IFT74: variants seen among roughly 807,000 people sequenced by gnomAD.
IFT74 encodes the protein intraflagellar transport protein 74 homolog.
In IFT74, 92 loss-of-function variants were observed where a neutral mutation model predicts 96.7. The observed-to-expected ratio is 0.95, with a 90% CI of 0.80 to 1.13. The LOEUF (loss-of-function observed/expected upper bound fraction) is 1.13, where lower values mean the gene tolerates loss of function less well. Among genes scored for constraint, IFT74 ranks in the 50% most tolerant of loss-of-function variants. The probability of loss-of-function intolerance (pLI) is 0.00; values close to 1 mark genes in which losing one functional copy is unlikely to be tolerated. For missense variants in IFT74, 811 were observed against 698.2 expected (o/e 1.16, Z -1.82); for synonymous variants, 223 against 213.2 (o/e 1.05, Z -0.40).
chr9:26,954,697 G>A (rs190743780), upstream of IFT74, among the ~76,000 whole-genome samples: 2 of 150,900 alleles, frequency 1.3e-5, no homozygotes, highest in Admixed American at 1.3e-4. Flanking sequence ...AAAAGCAGAG[G>A]GACAAAGATT....
chr9:27,044,041 A>G (rs1483635218), intron 13 of IFT74, among the ~76,000 whole-genome samples: 3 of 152,212 alleles, frequency 2.0e-5, no homozygotes, highest in Non-Finnish European at 4.4e-5. Context: ...CATGGATCTT[A>G]TAAGGTGCTT....
upstream of IFT74, among the ~76,000 whole-genome samples, chr9:26,952,417 C>T (rs1385901267): frequency 1.3e-5 from 2 of 151,878 alleles, no homozygotes; most frequent in African/African-American, 4.8e-5. Context: ...GCTGGGATTA[C>T]AGGCGTCTGT....
intron 12 of IFT74, among the ~76,000 whole-genome samples, chr9:27,022,215 C>A (rs1314725731): frequency 6.6e-6 from 1 of 152,120 alleles, no homozygotes; most frequent in Admixed American, 6.6e-5. Flanking sequence ...CAATACAATA[C>A]TGTTTTGGTG....
At chr9:27,015,386 C>G (rs1317739665) in intron 10 of IFT74, among the ~76,000 whole-genome samples, 4 of 152,062 alleles carry the variant, frequency 2.6e-5, no homozygotes, top group Admixed American at 2.6e-4. Flanking sequence ...ACCTGTAATC[C>G]CAGCACTTTG....
At position 27,065,194 on chromosome 9, in the gene IFT74, G is replaced by A. The variant is rs190158550; in HGVS notation, c.*2458G>A. Among the ~76,000 whole-genome samples, 506 of 152,188 alleles carry A rather than the reference G, an allele frequency of 3.3e-3. 4 individuals are homozygous for A. Among genetic ancestry groups the A allele is most frequent in the African/African-American group, 0.012 (493 of 41,530 alleles). On this transcript the variant is annotated 3_prime_UTR_variant, in exon 20 of 20. Coordinates refer to ENST00000380062, the MANE Select transcript of IFT74 (RefSeq NM_025103.4). Reference sequence around the variant, plus strand: ...TTTATTCATATGTAATATTGGTGGGGGGCAAATAATTGAGCAGGATTTCTT... The same window carrying A: ...TTTATTCATATGTAATATTGGTGGGAGGCAAATAATTGAGCAGGATTTCTT...
At chr9:26,965,664 G>A (rs1826577434) in intron 2 of IFT74, among the ~76,000 whole-genome samples, 1 of 151,966 alleles carries the variant, frequency 6.6e-6, no homozygotes, top group Non-Finnish European at 1.5e-5. Flanking sequence ...GTATTCATGG[G>A]GTAGGTCAGT....
intron 18 of IFT74, among the ~76,000 whole-genome samples, 190 bp downstream of exon 18, chr9:27,056,649 T>C (rs1323281632): frequency 1.3e-5 from 2 of 152,102 alleles, no homozygotes; most frequent in Non-Finnish European, 2.9e-5. Flanking sequence ...AAACCTATAT[T>C]GAAAGCCAAC....
At chr9:27,049,242 G>A (rs1182223737) in intron 16 of IFT74, among the ~76,000 whole-genome samples, 2 of 152,104 alleles carry the variant, frequency 1.3e-5, no homozygotes, top group Non-Finnish European at 2.9e-5. Flanking sequence ...CCAGTCTCAG[G>A]TATGCCTTTA....
In IFT74 at chr9:26,962,052, C is replaced by G. The variant is rs751583919; in HGVS notation, c.85C>G (p.Arg29Gly). 3 of 1,614,042 alleles carry G rather than the reference C, an allele frequency of 1.9e-6. No individual in the cohort carries two copies. The highest frequency in any genetic ancestry group is 1.7e-6 in the Non-Finnish European group (2 of 1,179,948). The change falls in exon 2 of 20, where the codon CGA becomes GGA. Residue 29 changes from arginine to glycine, a missense_variant. By Grantham distance (125) the Arg-to-Gly change is moderately radical. Coordinates refer to ENST00000380062, the MANE Select transcript of IFT74 (RefSeq NM_025103.4). ...GLTGRPPSGIRPLSGNIRVAT... is the reference protein window; with the variant it reads ...GLTGRPPSGIGPLSGNIRVAT... Reference sequence around the variant, plus strand: ...AACAGGAAGGCCTCCTTCTGGGATACGACCCCTATCAGGAAATATTCGAGT... The same window carrying G: ...AACAGGAAGGCCTCCTTCTGGGATAGGACCCCTATCAGGAAATATTCGAGT...
At position 27,036,411 on chromosome 9, in the gene IFT74, AT is replaced by A. The variant is rs756274863; in HGVS notation, c.1054+7308del. The stretch of plus-strand genomic sequence containing the variant: ...CTTTTTACCACAGCAATTTTGTAAT[AT>A]AGTCAATTCTTTGTACCCACGGGTT... On this transcript the variant is annotated intron_variant, in intron 13 of 19. Transcript: ENST00000380062. 33 of 1,606,364 alleles carry A rather than the reference AT, an allele frequency of 2.1e-5. No homozygotes were observed. The African/African-American group carries it at 3.1e-4, about 15-fold the overall frequency.
chr9:26,992,397 T>C (rs1219199530), intron 8 of IFT74, among the ~76,000 whole-genome samples: 1 of 152,064 alleles, frequency 6.6e-6, no homozygotes, highest in Non-Finnish European at 1.5e-5. Context: ...AAATTGAAAT[T>C]AAGAACAACA....
intron 18 of IFT74, among the ~76,000 whole-genome samples, chr9:27,058,729 A>G (rs917974316): frequency 6.6e-6 from 1 of 152,186 alleles, no homozygotes; most frequent in African/African-American, 2.4e-5. Flanking sequence ...CATTGTATGG[A>G]TGTACCATTT....
intron 12 of IFT74, among the ~76,000 whole-genome samples, chr9:27,026,295 T>C (rs1313251699): frequency 1.3e-5 from 2 of 152,180 alleles, no homozygotes; most frequent in African/African-American, 4.8e-5. Flanking sequence ...GTACTAAATC[T>C]ATATGCACCT....
rs747717401 is a variant in IFT74, at chr9:26,995,835, C to T, written c.587+5640C>T. ...CCAACAAGAAAAGCCCAACTTTTTCCAAGAGGTTCATGTTCTTTAATGGAA... is the reference window on the plus strand; with the variant it reads ...CCAACAAGAAAAGCCCAACTTTTTCTAAGAGGTTCATGTTCTTTAATGGAA... On this transcript the variant is annotated intron_variant, in intron 8 of 19. Transcript: ENST00000380062. 5 of 1,602,802 alleles carry T rather than the reference C, an allele frequency of 3.1e-6. No homozygotes were observed. In the Admixed American group the frequency reaches 6.8e-5, roughly 22 times the overall value.
rs1407014682 is a variant in IFT74 at position 27,052,147 on chromosome 9, A to G, written c.1334-3462A>G. On this transcript the variant is annotated intron_variant, in intron 16 of 19. Transcript: ENST00000380062. The stretch of plus-strand genomic sequence containing the variant: ...AAGGCAAAAATCAATACCAGGAAAC[A>G]AATTCAATAATCAAGACTTTGTATT... 3.3e-5 allele frequency among the ~76,000 whole-genome samples: 5 copies of G among 152,322 alleles called. No individual in the cohort carries two copies. In the East Asian group the frequency reaches 9.7e-4, roughly 29 times the overall value.
At chr9:26,999,853 C>T in intron 8 of IFT74, 1 of 541,376 alleles carries the variant, frequency 1.8e-6, no homozygotes, top group Non-Finnish European at 3.1e-6. Flanking sequence ...CTCACTGCAG[C>T]CTTGATCTCC....
chr9:26,947,247 G>C (rs1825766744), intron 1 of IFT74: 1 of 573,844 alleles, frequency 1.7e-6, no homozygotes. Context: ...AAGCCTGACA[G>C]GCACTCCGGA....
intron 8 of IFT74, chr9:26,997,852 A>G: frequency 6.2e-7 from 1 of 1,614,212 alleles, no homozygotes; most frequent in African/African-American, 1.3e-5. Flanking sequence ...CCAAATAGCT[A>G]ATCAAATTGC....
At chr9:26,948,742 C>T (rs538850441) in intron 1 of IFT74, among the ~76,000 whole-genome samples, 2 of 152,126 alleles carry the variant, frequency 1.3e-5, no homozygotes, top group African/African-American at 4.8e-5. Context: ...GGATTATAAG[C>T]GTGAGCCACC....
Sources: allele counts gnomAD v4.1 joint callset (sites outside exome capture counted in the v4.1 genomes callset), GRCh38; gene constraint gnomAD v4.1.1; transcripts MANE v1.5; gene names NCBI Gene and HGNC (gene_info 2026-07-23, HGNC 2026-07-21).